The following ATG10 variants were observed in gnomAD, a reference collection of about 807,000 sequenced individuals.
ATG10 encodes autophagy related 10.
ATG10 carries 30 observed loss-of-function variants against 32.1 expected under a neutral mutation model. The observed-to-expected ratio is 0.94, with a 90% CI of 0.70 to 1.27. The LOEUF is 1.27. Ranked by LOEUF, ATG10 falls within the 50% of genes most tolerant of loss-of-function variation. ATG10 has a pLI of 0.00. For synonymous variants in ATG10, 87 were observed against 91.5 expected (o/e 0.95, Z 0.28); for missense variants, 233 against 262.3 (o/e 0.89, Z 0.77).
intron 2 of ATG10, among the ~76,000 whole-genome samples, chr5:82,049,945 AT>A (rs1209614477): frequency 1.1e-4 from 17 of 152,164 alleles, no homozygotes; most frequent in Admixed American, 3.3e-4. Context: ...ACAAGAAAAA[AT>A]AACACATGAT....
intron 2 of ATG10, chr5:82,009,889 G>C (rs567018500): frequency 2.5e-6 from 4 of 1,610,020 alleles, no homozygotes; most frequent in Non-Finnish European, 3.4e-6. Flanking sequence ...CCATTATGGC[G>C]TGTGAAGTCA....
chr5:82,107,703 A>T (rs999720539), intron 3 of ATG10, among the ~76,000 whole-genome samples: 1 of 152,078 alleles, frequency 6.6e-6, no homozygotes, highest in Non-Finnish European at 1.5e-5. Context: ...ATAAGACTTG[A>T]TGCGTGATGG....
intron 1 of ATG10, among the ~76,000 whole-genome samples, chr5:81,986,733 A>G (rs1761285769): frequency 6.6e-6 from 1 of 152,192 alleles, no homozygotes; most frequent in Non-Finnish European, 1.5e-5. Context: ...CACCAAAGAT[A>G]TAGAAACGGG....
At chr5:82,152,485 C>T (rs1362091331) in intron 3 of ATG10, among the ~76,000 whole-genome samples, 3 of 152,206 alleles carry the variant, frequency 2.0e-5, no homozygotes, top group South Asian at 2.1e-4. Flanking sequence ...TCAATGGGCA[C>T]CTTAAAATCA....
At chr5:82,215,663 C>T (rs542625166) in intron 5 of ATG10, among the ~76,000 whole-genome samples, 13 of 152,210 alleles carry the variant, frequency 8.5e-5, no homozygotes, top group Admixed American at 5.2e-4. Flanking sequence ...AGGCCAGACA[C>T]GGTGGCTCAC....
At chr5:82,106,520 C>G (rs1420736328) in intron 3 of ATG10, among the ~76,000 whole-genome samples, 1 of 151,964 alleles carries the variant, frequency 6.6e-6, no homozygotes, top group Non-Finnish European at 1.5e-5. Context: ...TACCATTGTT[C>G]TTTGTTTCAT....
At chr5:82,019,864 C>A (rs1473759151) in intron 2 of ATG10, among the ~76,000 whole-genome samples, 3 of 152,198 alleles carry the variant, frequency 2.0e-5, no homozygotes, top group Non-Finnish European at 4.4e-5. Flanking sequence ...TTAATATGAT[C>A]ACTTCAAAGA....
At chr5:82,136,869 T>G (rs1413705511) in intron 3 of ATG10, among the ~76,000 whole-genome samples, 1 of 152,196 alleles carries the variant, frequency 6.6e-6, no homozygotes, top group Non-Finnish European at 1.5e-5. Context: ...GGTTTGATCT[T>G]TTCACATAGT....
chr5:82,092,060 T>C (rs1428323674), intron 3 of ATG10, among the ~76,000 whole-genome samples: 1 of 152,232 alleles, frequency 6.6e-6, no homozygotes, highest in Non-Finnish European at 1.5e-5. Context: ...GAGTTTTTTA[T>C]ATGAACACTA....
At chr5:82,179,441 T>C (rs1251285514) in intron 5 of ATG10, among the ~76,000 whole-genome samples, 1 of 152,140 alleles carries the variant, frequency 6.6e-6, no homozygotes, top group Non-Finnish European at 1.5e-5. Context: ...TTTACAGTTT[T>C]ACTCATAAAT....
chr5:82,019,991 C>T (rs1292938349), intron 2 of ATG10, among the ~76,000 whole-genome samples: 2 of 152,170 alleles, frequency 1.3e-5, no homozygotes, highest in Non-Finnish European at 2.9e-5. Flanking sequence ...GGGAAGTGTG[C>T]CAGGGGTTGG....
intron 2 of ATG10, among the ~76,000 whole-genome samples, chr5:82,027,075 A>AAAATAAAT (rs10601125): frequency 2.8e-4 from 41 of 144,828 alleles, no homozygotes; most frequent in African/African-American, 9.2e-4. Context: ...ATGAATAAAT[A>AAAATAAAT]AAATAAATAA....
At chr5:82,071,956 T>C (rs1764144977) in intron 3 of ATG10, among the ~76,000 whole-genome samples, 1 of 152,116 alleles carries the variant, frequency 6.6e-6, no homozygotes, top group Non-Finnish European at 1.5e-5. Flanking sequence ...CACCAGGAAG[T>C]GTCCAAAGAA....
chr5:82,149,206 G>T (rs897629469), intron 3 of ATG10, among the ~76,000 whole-genome samples: 3 of 151,612 alleles, frequency 2.0e-5, no homozygotes, highest in African/African-American at 7.3e-5. Context: ...GGGCAGCCCT[G>T]GTTGCCCCCA....
intron 4 of ATG10, among the ~76,000 whole-genome samples, chr5:82,172,317 G>T (rs924723333): frequency 2.6e-5 from 4 of 152,152 alleles, no homozygotes; most frequent in African/African-American, 7.2e-5. Flanking sequence ...GAAAACTTTA[G>T]TTCTGATTCC....
chr5:82,232,904 G>T (rs1380274793), intron 5 of ATG10, among the ~76,000 whole-genome samples: 1 of 152,144 alleles, frequency 6.6e-6, no homozygotes, highest in Non-Finnish European at 1.5e-5. Flanking sequence ...TAGCTTCAGG[G>T]TTTCTGCTGT....
chr5:81,994,696 C>T (rs1561245055), intron 2 of ATG10, among the ~76,000 whole-genome samples: 1 of 152,128 alleles, frequency 6.6e-6, no homozygotes, highest in African/African-American at 2.4e-5. Context: ...ATCAGTTTTA[C>T]CCTTGATATC....
At chr5:82,102,646 TTAAA>T (rs1765318960) in intron 3 of ATG10, among the ~76,000 whole-genome samples, 2 of 152,164 alleles carry the variant, frequency 1.3e-5, no homozygotes, top group African/African-American at 4.8e-5. Flanking sequence ...TTTTAAAGAC[TTAAA>T]TAACTCTTCC....
rs191353560 is a variant in ATG10, at chr5:81,995,132, G to A, written c.108+7454G>A. On this transcript the variant is annotated intron_variant, in intron 2 of 7. Coordinates refer to ENST00000282185, the MANE Select transcript of ATG10 (RefSeq NM_031482.5). ...AGAAATTTCATGTGTGTGTATGTGT[G>A]TGTGTGTGTGTGTTTTGAGACAGAG... 7.3e-3 allele frequency among the ~76,000 whole-genome samples: 1,106 copies of A among 152,164 alleles called. 8 individuals carry two copies. The highest frequency in any genetic ancestry group is 0.025 in the African/African-American group (1,049 of 41,512).
Sources: allele counts gnomAD v4.1 joint callset (sites outside exome capture counted in the v4.1 genomes callset), GRCh38; gene constraint gnomAD v4.1.1; transcripts MANE v1.5; gene names NCBI Gene and HGNC (gene_info 2026-07-23, HGNC 2026-07-21).